The following CDH4 variants were observed in gnomAD, a reference collection of about 807,000 sequenced individuals.
The protein encoded by CDH4 is cadherin 4.
Under a neutral mutation model 86.0 loss-of-function variants are expected in CDH4, and 33 were observed. The ratio of observed to expected loss-of-function variants is 0.38; its 90% CI spans 0.29 to 0.51. The LOEUF (loss-of-function observed/expected upper bound fraction) is 0.51, where lower values mean the gene tolerates loss of function less well. Among genes scored for constraint, CDH4 ranks in the 20% least tolerant of loss-of-function variants. The probability of loss-of-function intolerance (pLI) is 0.86; values close to 1 mark genes in which losing one functional copy is unlikely to be tolerated. For synonymous variants in CDH4, 555 were observed against 549.4 expected, an observed-to-expected ratio of 1.01 and a Z score of -0.14; for missense variants, 1,114 against 1,307.4, an observed-to-expected ratio of 0.85 and a Z score of 2.28.
intron 3 of CDH4, among the ~76,000 whole-genome samples, chr20:61,747,503 A>AT (rs1445776515): frequency 1.3e-5 from 2 of 151,874 alleles, no homozygotes; most frequent in Non-Finnish European, 2.9e-5. Flanking sequence ...AATCAGAGAG[A>AT]TTTTACACTA....
chr20:61,325,955 C>T lies in CDH4; in HGVS notation c.169+71018C>T, dbSNP rs1461750129. Among the ~76,000 whole-genome samples the T allele has an allele frequency of 4.6e-5, 7 of 152,212 alleles. No individual in the cohort carries two copies. In the South Asian group the frequency reaches 8.3e-4, roughly 18 times the overall value. On this transcript the variant is annotated intron_variant, in intron 2 of 15. Transcript: ENST00000614565. ...CAGTGCCGTGCCATTCCCAGCTTCT[C>T]GCTCTCCCTGATGGTGGCGGTACCG...
Position 61,252,966 on chromosome 20 carries a change from G to C in CDH4, c.57+396G>C, listed in dbSNP as rs540815343. 6.6e-6 allele frequency among the ~76,000 whole-genome samples: 1 copy of C among 151,798 alleles called. No homozygotes were observed. The highest frequency in any genetic ancestry group is 6.6e-5 in the Admixed American group (1 of 15,240). ...CCGGGAGCCGCGCGCCGCGGGAGTT[G>C]CCGAGCCCAGCCCCGGCCGTGGCTG... is the stretch of plus-strand genomic sequence containing the variant. On this transcript the variant is annotated intron_variant, in intron 1 of 15. Transcript: ENST00000614565. The surrounding 1 kb of genome is among the most constrained non-coding windows in gnomAD (Gnocchi z 4.4).
chr20:61,819,196 C>G (rs965330676), intron 4 of CDH4, among the ~76,000 whole-genome samples: 1 of 152,188 alleles, frequency 6.6e-6, no homozygotes, highest in African/African-American at 2.4e-5. Context: ...CTCAGACAGC[C>G]CCACGGCCAG....
At chr20:61,750,326 T>C (rs1159411586) in intron 3 of CDH4, among the ~76,000 whole-genome samples, 1 of 152,178 alleles carries the variant, frequency 6.6e-6, no homozygotes, top group African/African-American at 2.4e-5. Context: ...GTCAGAAAGA[T>C]CATTTGGGGA....
intron 3 of CDH4, among the ~76,000 whole-genome samples, chr20:61,762,206 A>G (rs2150128): frequency 0.16 from 23,659 of 152,188 alleles, 2,023 homozygotes; most frequent in Non-Finnish European, 0.18. Context: ...TTCTGTGCCC[A>G]TCACCATTCT....
At chr20:61,503,735 AATT>A (rs1265977538) in intron 2 of CDH4, among the ~76,000 whole-genome samples, 2 of 152,248 alleles carry the variant, frequency 1.3e-5, no homozygotes, top group African/African-American at 4.8e-5. Flanking sequence ...TCATTAACTA[AATT>A]ATTAATAACT....
chr20:61,510,792 A>G lies in CDH4; in HGVS notation c.170-232771A>G, dbSNP rs2145612530. ...CCTGAGACTGGGTAATTTATAAAAGAAAGAGGTTTAATTGGCTCAAGGTTC... is the reference window on the plus strand; with the variant it reads ...CCTGAGACTGGGTAATTTATAAAAGGAAGAGGTTTAATTGGCTCAAGGTTC... On this transcript the variant is annotated intron_variant, in intron 2 of 15. Transcript: ENST00000614565. This position sits in a 1 kb window ranked among gnomAD's most constrained non-coding sequence, Gnocchi z 4.2. Among the ~76,000 whole-genome samples, 1 of 152,184 alleles carries G rather than the reference A, an allele frequency of 6.6e-6. No homozygotes were observed. The highest frequency in any genetic ancestry group is 1.5e-5 in the Non-Finnish European group (1 of 68,008).
rs571045643 is a variant in CDH4 at position 61,477,466 on chromosome 20, C to T, written c.169+222529C>T. On this transcript the variant is annotated intron_variant, in intron 2 of 15. Transcript: ENST00000614565. ...AGAGGAACCAGCAGAAACGAAGTCT[C>T]ATGATGGGTAGCTGCAGGGATGCAT... Among the ~76,000 whole-genome samples the T allele has an allele frequency of 3.3e-5, 5 of 152,314 alleles. No individual in the cohort carries two copies. In the East Asian group the frequency reaches 9.7e-4, roughly 29 times the overall value.
At chr20:61,255,771 C>T (rs79104555) in intron 2 of CDH4, among the ~76,000 whole-genome samples, 226 of 152,316 alleles carry the variant, frequency 1.5e-3, no homozygotes, top group African/African-American at 5.0e-3. Flanking sequence ...CCCTCCAGAA[C>T]TGACAGCGGT....
chr20:61,888,828 C>T (rs904579320), intron 7 of CDH4, among the ~76,000 whole-genome samples: 1 of 152,216 alleles, frequency 6.6e-6, no homozygotes, highest in Non-Finnish European at 1.5e-5. Context: ...CCTCGCTCTG[C>T]CCTGGTCAGC....
chr20:61,614,421 G>C (rs1234030342), intron 2 of CDH4, among the ~76,000 whole-genome samples: 1 of 152,088 alleles, frequency 6.6e-6, no homozygotes, highest in South Asian at 2.1e-4. Context: ...TGTCTGTCCA[G>C]TAAACTTAAG....
chr20:61,399,121 T>G, intron 2 of CDH4, among the ~76,000 whole-genome samples: 1 of 79,218 alleles, frequency 1.3e-5, no homozygotes, highest in Admixed American at 1.3e-4. Flanking sequence ...AAAACCCACT[T>G]TTTTTTTTTT....
chr20:61,435,335 G>A (rs1449553104), intron 2 of CDH4, among the ~76,000 whole-genome samples: 2 of 152,238 alleles, frequency 1.3e-5, no homozygotes, highest in African/African-American at 4.8e-5. Flanking sequence ...ACAAGGCAGA[G>A]AAAGGAGGGT....
intron 2 of CDH4, among the ~76,000 whole-genome samples, chr20:61,683,395 T>C (rs886990772): frequency 1.3e-5 from 2 of 152,226 alleles, no homozygotes; most frequent in Admixed American, 1.3e-4. Context: ...TACTGTACCC[T>C]GCAGTGAACG....
chr20:61,732,010 C>A (rs1396986286), intron 2 of CDH4, among the ~76,000 whole-genome samples: 1 of 152,170 alleles, frequency 6.6e-6, no homozygotes, highest in Admixed American at 6.5e-5. Flanking sequence ...CCTTCAGAAA[C>A]CTTGGACTCA....
intron 2 of CDH4, among the ~76,000 whole-genome samples, chr20:61,726,602 CCATCATCACCATCACTGCCAT>C: frequency 6.6e-6 from 1 of 152,116 alleles, no homozygotes; most frequent in East Asian, 1.9e-4. Context: ...ACCATTGCTG[CCATCATCACCATCACTGCCAT>C]CATCATCACC....
rs532284716 is a variant in CDH4 at position 61,648,438 on chromosome 20, C to G, written c.170-95125C>G. On this transcript the variant is annotated intron_variant, in intron 2 of 15. Transcript: ENST00000614565. ...TGTGATGTGGAGAAGGCACACAGAC[C>G]TCAGGTCCAACCGAGCTGGAGGCAC... Among the ~76,000 whole-genome samples, 5 of 152,294 alleles carry G rather than the reference C, an allele frequency of 3.3e-5. No homozygotes were observed. In the East Asian group the frequency reaches 7.7e-4, roughly 24 times the overall value.
intron 2 of CDH4, among the ~76,000 whole-genome samples, chr20:61,446,736 T>G (rs1376113413): frequency 2.6e-5 from 4 of 152,232 alleles, no homozygotes; most frequent in Non-Finnish European, 5.9e-5. Context: ...CCCAGCCCGC[T>G]TATCCATTCA....
chr20:61,800,370 C>T lies in CDH4; in HGVS notation c.576+27188C>T, dbSNP rs367922081. ...CTCCTTGGGCACTCCCTTTAGACTA[C>T]GCCAAGAGTCCCATGCCCGCCGCAG... On this transcript the variant is annotated intron_variant, in intron 4 of 15. Transcript: ENST00000614565. Among the ~76,000 whole-genome samples the T allele has an allele frequency of 7.2e-5, 11 of 152,330 alleles. 1 individual carries two copies. Among genetic ancestry groups the T allele is most frequent in the South Asian group, 4.1e-4 (2 of 4,834 alleles).
Sources: allele counts gnomAD v4.1 joint callset (sites outside exome capture counted in the v4.1 genomes callset), GRCh38; gene constraint gnomAD v4.1.1; non-coding constraint Gnocchi (gnomAD v3.1); transcripts MANE v1.5; gene names NCBI Gene and HGNC (gene_info 2026-07-23, HGNC 2026-07-21).